The following ADGRL3 variants were observed in gnomAD, a reference collection of about 807,000 sequenced individuals.
The protein encoded by ADGRL3 is calcium-independent alpha-latrotoxin receptor 3.
A neutral mutation model predicts 153.5 loss-of-function variants in ADGRL3; 62 were observed. The ratio of observed to expected loss-of-function variants is 0.40; its 90% CI spans 0.33 to 0.50. The LOEUF is 0.50. Among genes scored for constraint, ADGRL3 ranks in the 20% least tolerant of loss-of-function variants. ADGRL3 has a pLI of 0.47. For synonymous variants in ADGRL3, 710 were observed against 672.5 expected (o/e 1.06, Z -0.86); for missense variants, 1,641 against 1,859.4 (o/e 0.88, Z 2.16).
chr4:61,964,509 CT>C (rs1275515911), intron 17 of ADGRL3, among the ~76,000 whole-genome samples: 1 of 151,680 alleles, frequency 6.6e-6, no homozygotes, highest in African/African-American at 2.4e-5. Flanking sequence ...GTGACAGACT[CT>C]TTTTTTTCAT....
At chr4:62,051,544 C>T (rs1734224397) in intron 25 of ADGRL3, among the ~76,000 whole-genome samples, 1 of 151,594 alleles carries the variant, frequency 6.6e-6, no homozygotes, top group African/African-American at 2.4e-5. Flanking sequence ...TCAGCACGTC[C>T]TTCTTATGCA....
chr4:62,014,770 G>T (rs559234530), intron 21 of ADGRL3, among the ~76,000 whole-genome samples: 3 of 152,232 alleles, frequency 2.0e-5, no homozygotes, highest in African/African-American at 7.2e-5. Flanking sequence ...TACCACAGAT[G>T]ATCACTGATT....
chr4:61,313,597 A>T (rs537864389), intron 1 of ADGRL3, among the ~76,000 whole-genome samples: 2 of 152,278 alleles, frequency 1.3e-5, no homozygotes, highest in South Asian at 4.1e-4. Flanking sequence ...GTATAACACA[A>T]CCAATTTTAC....
At chr4:61,229,858 G>A (rs964609561) in intron 1 of ADGRL3, among the ~76,000 whole-genome samples, 11 of 150,204 alleles carry the variant, frequency 7.3e-5, no homozygotes, top group Admixed American at 6.7e-4. Context: ...AGTGAGCCGA[G>A]ATTGTGAGCT....
chr4:62,054,837 A>G (rs569445502), intron 25 of ADGRL3, among the ~76,000 whole-genome samples: 5 of 151,840 alleles, frequency 3.3e-5, no homozygotes, highest in African/African-American at 9.6e-5. Context: ...ACTCACAAAA[A>G]AGAAACCCTT....
chr4:61,823,101 C>T (rs893911813), intron 9 of ADGRL3, among the ~76,000 whole-genome samples: 2 of 152,182 alleles, frequency 1.3e-5, no homozygotes, highest in Admixed American at 6.5e-5. Flanking sequence ...TCACCTCTCC[C>T]CAAATCCCAT....
chr4:61,852,507 G>T (rs1561360333), intron 9 of ADGRL3, among the ~76,000 whole-genome samples: 2 of 151,968 alleles, frequency 1.3e-5, no homozygotes, highest in East Asian at 1.9e-4. Context: ...TAGAGACGGG[G>T]TTTCGCCATG....
At chr4:62,046,525 C>T (rs1304278107) in intron 25 of ADGRL3, among the ~76,000 whole-genome samples, 3 of 151,554 alleles carry the variant, frequency 2.0e-5, no homozygotes, top group African/African-American at 4.8e-5. Context: ...TTATATTGGC[C>T]GGTCATATGT....
chr4:62,058,679 C>T (rs1411670401), intron 25 of ADGRL3, among the ~76,000 whole-genome samples: 1 of 152,094 alleles, frequency 6.6e-6, no homozygotes, highest in African/African-American at 2.4e-5. Context: ...ACTGACTAAC[C>T]GGTAAGCCCA....
chr4:61,726,702 G>A (rs2096354028), intron 6 of ADGRL3, among the ~76,000 whole-genome samples: 1 of 151,946 alleles, frequency 6.6e-6, no homozygotes, highest in African/African-American at 2.4e-5. Context: ...TAAACCAAAT[G>A]TTACAAGGAA....
chr4:61,578,097 A>C (rs1480262308), intron 4 of ADGRL3, among the ~76,000 whole-genome samples: 2 of 152,086 alleles, frequency 1.3e-5, no homozygotes, highest in African/African-American at 4.8e-5. Context: ...GGAAACCATA[A>C]AGATTATACA....
chr4:61,304,766 T>C (rs989822415), intron 1 of ADGRL3, among the ~76,000 whole-genome samples: 31 of 152,328 alleles, frequency 2.0e-4, no homozygotes, highest in African/African-American at 6.7e-4. Context: ...GGGTGTCTTC[T>C]CATTGATTTT....
At chr4:62,052,883 T>A (rs1208491772) in intron 25 of ADGRL3, among the ~76,000 whole-genome samples, 1 of 151,344 alleles carries the variant, frequency 6.6e-6, no homozygotes, top group African/African-American at 2.4e-5. Flanking sequence ...ATAAGTAGAA[T>A]ATATATTTCA....
intron 5 of ADGRL3, among the ~76,000 whole-genome samples, chr4:61,595,595 C>G (rs1026462305): frequency 6.6e-6 from 1 of 152,154 alleles, no homozygotes; most frequent in Non-Finnish European, 1.5e-5. Flanking sequence ...GAAGGAGTAA[C>G]TTTTGTTGCT....
Position 62,056,171 on chromosome 4 carries a change from A to G in ADGRL3, c.3814+11622A>G, listed in dbSNP as rs1031504444. Among the ~76,000 whole-genome samples, 23 of 151,852 alleles carry G rather than the reference A, an allele frequency of 1.5e-4. 2 individuals carry two copies. The East Asian group carries it at 1.5e-3, about 10-fold the overall frequency. On this transcript the variant is annotated intron_variant, in intron 25 of 26. Transcript: ENST00000683033. ...CCTGTGATTCTTTATGTATTAAATAATGGTGGTAGATTAGATGATGTTAAA... is the reference window on the plus strand; with the variant it reads ...CCTGTGATTCTTTATGTATTAAATAGTGGTGGTAGATTAGATGATGTTAAA...
chr4:61,725,650 T>C (rs1408628349), intron 6 of ADGRL3, among the ~76,000 whole-genome samples: 2 of 151,704 alleles, frequency 1.3e-5, no homozygotes, highest in Admixed American at 6.6e-5. Flanking sequence ...CAGTTTTGTA[T>C]GCAAAATTTC....
At chr4:61,517,899 T>C (rs941047367) in intron 4 of ADGRL3, among the ~76,000 whole-genome samples, 8 of 152,284 alleles carry the variant, frequency 5.3e-5, no homozygotes, top group African/African-American at 1.9e-4. Flanking sequence ...TTTTCACCAA[T>C]GGAAACTATC....
chr4:61,956,302 T>C lies in ADGRL3; in HGVS notation c.2805+8026T>C, dbSNP rs561579743. Among the ~76,000 whole-genome samples the C allele has an allele frequency of 3.9e-4, 60 of 152,266 alleles. 1 individual carries two copies. In the South Asian group the frequency reaches 0.011, roughly 27 times the overall value. The stretch of plus-strand genomic sequence containing the variant: ...CTCTAATGATCAGTGATGTTGAACT[T>C]TTTTTCCTATGTTTGTTGGCTGCGT... On this transcript the variant is annotated intron_variant, in intron 17 of 26. Coordinates refer to ENST00000683033, the MANE Select transcript of ADGRL3 (RefSeq NM_001387552.1).
At chr4:61,914,984 G>A (rs907038007) in intron 13 of ADGRL3, among the ~76,000 whole-genome samples, 53 of 151,960 alleles carry the variant, frequency 3.5e-4, no homozygotes, top group East Asian at 2.5e-3. Flanking sequence ...AAACCAGAGT[G>A]AAAAAAATAT....
Sources: allele counts gnomAD v4.1 joint callset (sites outside exome capture counted in the v4.1 genomes callset), GRCh38; gene constraint gnomAD v4.1.1; transcripts MANE v1.5; gene names NCBI Gene and HGNC (gene_info 2026-07-23, HGNC 2026-07-21).